CC2D2B: variants seen among roughly 807,000 people sequenced by gnomAD.
CC2D2B encodes the protein coiled-coil and C2 domain containing 2B.
Under a neutral mutation model 161.2 loss-of-function variants are expected in CC2D2B, and 128 were observed. The ratio of observed to expected loss-of-function variants is 0.79; its 90% CI spans 0.69 to 0.92. CC2D2B has a LOEUF of 0.92. Ranked by LOEUF, CC2D2B falls within the 40% of genes least tolerant of loss-of-function variation. CC2D2B has a pLI of 0.00. For missense variants in CC2D2B, 1,173 were observed against 1,375.1 expected, an observed-to-expected ratio of 0.85 and a Z score of 2.32; for synonymous variants, 391 against 449.8, an observed-to-expected ratio of 0.87 and a Z score of 1.65.
At chr10:96,012,880 G>A in intron 28 of CC2D2B, 151 bp downstream of exon 28, 2 of 610,054 alleles carry the variant, frequency 3.3e-6, no homozygotes, top group South Asian at 2.1e-5. Context: ...TCCCTTAGCT[G>A]GACTCTTTAA....
chr10:95,963,754 T>C (rs558885078), intron 12 of CC2D2B, among the ~76,000 whole-genome samples: 22 of 152,180 alleles, frequency 1.4e-4, no homozygotes, highest in Non-Finnish European at 3.1e-4. Context: ...TCAGTGAAGT[T>C]CACTACTAAA....
intron 9 of CC2D2B, among the ~76,000 whole-genome samples, chr10:95,942,889 T>C (rs1012554074): frequency 6.6e-6 from 1 of 152,154 alleles, no homozygotes; most frequent in African/African-American, 2.4e-5. Context: ...TAAACTTTTA[T>C]AAAAAGGCTC....
chr10:95,993,958 A>G (rs1170421622), intron 22 of CC2D2B, among the ~76,000 whole-genome samples: 53 of 19,526 alleles, frequency 2.7e-3, no homozygotes, highest in South Asian at 0.02. Flanking sequence ...ATGTGTATAT[A>G]TATATATATA....
intron 33 of CC2D2B, among the ~76,000 whole-genome samples, chr10:96,025,962 G>C (rs1238156804): frequency 6.6e-6 from 1 of 152,140 alleles, no homozygotes; most frequent in African/African-American, 2.4e-5. Flanking sequence ...AACAAAAAAG[G>C]AAGAAATGCA....
Position 95,974,049 on chromosome 10 carries a change from C to G in CC2D2B, c.1836C>G (p.Leu612=), listed in dbSNP as rs2077233513. The G allele has an allele frequency of 8.1e-7, 1 of 1,231,494 alleles. No individual in the cohort carries two copies. Among genetic ancestry groups the G allele is most frequent in the African/African-American group, 1.6e-5 (1 of 64,398 alleles). 76.3% of individuals were successfully genotyped at this position (1,231,494 alleles called of 1,614,324 possible). The stretch of plus-strand genomic sequence containing the variant: ...TTGAGGGAAATGGAACTGAAGAACT[C>G]TGTCTTTTGACATCAGGAAAACTTA... ...FLLEGNGTEE[L]CLLTSGKLSY... The change falls in exon 17 of 35, where the codon CTC becomes CTG. Residue 612 remains leucine, a synonymous_variant. Transcript: ENST00000646931.
At position 95,993,038 on chromosome 10, in the gene CC2D2B, C is replaced by T. The variant is rs150299666; in HGVS notation, c.2642+341C>T. The T allele has an allele frequency of 3.5e-3, 590 of 168,042 alleles. 2 individuals are homozygous for T. The highest frequency in any genetic ancestry group is 8.5e-3 in the South Asian group (43 of 5,040). The allele number at this position is 168,042 out of a possible 1,614,324, so 10.4% of individuals were successfully genotyped here. The stretch of plus-strand genomic sequence containing the variant: ...TGCTGCCAACTGCCCTATTCCATGC[C>T]ACTGACTCTCTCAGTACTGGAAGCA... On this transcript the variant is annotated intron_variant, in intron 22 of 34. Coordinates refer to ENST00000646931, the MANE Select transcript of CC2D2B (RefSeq NM_001349008.3).
chr10:96,009,169 TTA>T (rs1247829132), intron 25 of CC2D2B, among the ~76,000 whole-genome samples: 1 of 152,098 alleles, frequency 6.6e-6, no homozygotes, highest in Non-Finnish European at 1.5e-5. Flanking sequence ...AGCTGTGTCT[TTA>T]TATTTAAAAT....
intron 19 of CC2D2B, among the ~76,000 whole-genome samples, chr10:95,985,841 T>C (rs192374724): frequency 2.6e-5 from 4 of 152,262 alleles, no homozygotes; most frequent in African/African-American, 9.6e-5. Flanking sequence ...GCTTCTAAAA[T>C]GGCCGCTCTA....
chr10:96,015,312 C>T (rs951271105), intron 29 of CC2D2B, among the ~76,000 whole-genome samples: 8 of 146,852 alleles, frequency 5.4e-5, no homozygotes, highest in African/African-American at 1.5e-4. Context: ...CTCCTGACCT[C>T]GTGATCTGGC....
chr10:95,947,078 C>CAAAAAAAAAAAAAAAAAA (rs368168752), intron 9 of CC2D2B, among the ~76,000 whole-genome samples: 10 of 52,050 alleles, frequency 1.9e-4, no homozygotes, highest in Admixed American at 4.6e-4. Context: ...ATAGTGGACT[C>CAAAAAAAAAAAAAAAAAA]AAAAATATAT....
Position 95,983,823 on chromosome 10 carries a change from A to G in CC2D2B, c.2286+14A>G. The G allele has an allele frequency of 9.0e-7, 1 of 1,114,812 alleles. No individual in the cohort carries two copies. Among genetic ancestry groups the G allele is most frequent in the Non-Finnish European group, 1.1e-6 (1 of 881,070 alleles). 69.1% of individuals were successfully genotyped at this position (1,114,812 alleles called of 1,614,324 possible). A position where few individuals can be genotyped will look rare whatever the true frequency, so the allele number is the denominator to read the frequency against. ...TTAGTCTTCCAGGTATTTGGTTTCT[A>G]TTTGAATATGGCTTATTGTATGATA... On this transcript the variant is annotated intron_variant, in intron 19 of 34. Coordinates refer to ENST00000646931, the MANE Select transcript of CC2D2B (RefSeq NM_001349008.3).
chr10:95,955,565 T>A (rs2076542609), intron 11 of CC2D2B, 74 bp downstream of exon 11: 1 of 396,284 alleles, frequency 2.5e-6, no homozygotes, highest in East Asian at 3.6e-5. Context: ...GCACTTGCTA[T>A]GGAAGATAAA....
chr10:95,920,987 GGGT>G (rs1442364158), intron 2 of CC2D2B: 1 of 152,590 alleles, frequency 6.6e-6, no homozygotes, highest in Non-Finnish European at 1.5e-5. Flanking sequence ...GTTGGGGGAG[GGGT>G]GATGCAAGCA....
Position 95,972,047 on chromosome 10 carries a change from C to T in CC2D2B, c.1645-19C>T, listed in dbSNP as rs2077155816. The T allele has an allele frequency of 8.3e-7, 1 of 1,203,886 alleles. No individual in the cohort carries two copies. Among genetic ancestry groups the T allele is most frequent in the African/African-American group, 1.6e-5 (1 of 63,760 alleles). 74.6% of individuals were successfully genotyped at this position (1,203,886 alleles called of 1,614,324 possible). ...TGTTGTATTTTTAGTGATCTATCAGCCATTTCTTTTATATTTAGGTTTATG... is the reference window on the plus strand; with the variant it reads ...TGTTGTATTTTTAGTGATCTATCAGTCATTTCTTTTATATTTAGGTTTATG... On this transcript the variant is annotated intron_variant, in intron 15 of 34. Coordinates refer to ENST00000646931, the MANE Select transcript of CC2D2B (RefSeq NM_001349008.3).
intron 24 of CC2D2B, chr10:96,000,103 A>G: frequency 1.3e-6 from 2 of 1,493,204 alleles, no homozygotes; most frequent in Non-Finnish European, 1.8e-6. Context: ...TCCTTTTTAA[A>G]CAATATCCAT....
intron 9 of CC2D2B, among the ~76,000 whole-genome samples, chr10:95,940,849 A>AT (rs1331266071): frequency 3.9e-5 from 6 of 152,070 alleles, no homozygotes; most frequent in African/African-American, 1.4e-4. Flanking sequence ...TCCCAATGAC[A>AT]TTTTTTTACA....
At chr10:96,013,971 C>A in intron 29 of CC2D2B, 94 bp downstream of exon 29, 1 of 500,738 alleles carries the variant, frequency 2.0e-6, no homozygotes, top group Non-Finnish European at 3.1e-6. Flanking sequence ...TATTACTTTG[C>A]CTTGTGAAAT....
intron 25 of CC2D2B, among the ~76,000 whole-genome samples, chr10:96,007,111 T>G (rs893224032): frequency 6.6e-6 from 1 of 152,112 alleles, no homozygotes; most frequent in Non-Finnish European, 1.5e-5. Context: ...TTGTACAGAT[T>G]ATTTCATCAC....
chr10:95,992,325 C>T (rs892936175), intron 21 of CC2D2B, among the ~76,000 whole-genome samples: 1 of 152,142 alleles, frequency 6.6e-6, no homozygotes, highest in African/African-American at 2.4e-5. Context: ...CACAGTCTCT[C>T]TCAACATGAA....
Sources: allele counts gnomAD v4.1 joint callset (sites outside exome capture counted in the v4.1 genomes callset), GRCh38; gene constraint gnomAD v4.1.1; transcripts MANE v1.5; gene names NCBI Gene and HGNC (gene_info 2026-07-23, HGNC 2026-07-21).